Variants in SPAG16 observed in about 807,000 individuals in gnomAD.
The protein encoded by SPAG16 is sperm-associated antigen 16 protein.
In SPAG16, 86 loss-of-function variants were observed where a neutral mutation model predicts 80.4. The observed-to-expected ratio is 1.07, with a 90% CI of 0.90 to 1.28. The LOEUF is 1.28. Ranked by LOEUF, SPAG16 falls within the 50% of genes most tolerant of loss-of-function variation. SPAG16 has a pLI of 0.00. For missense variants in SPAG16, 870 were observed against 765.3 expected (o/e 1.14, Z -1.61); for synonymous variants, 294 against 265.9 (o/e 1.11, Z -1.03).
chr2:213,561,526 G>A (rs982477042), intron 10 of SPAG16, among the ~76,000 whole-genome samples: 1 of 151,876 alleles, frequency 6.6e-6, no homozygotes, highest in Non-Finnish European at 1.5e-5. Flanking sequence ...AATATCTCTT[G>A]TACCCCATAA....
At chr2:213,334,271 C>T (rs1271798324) in intron 5 of SPAG16, among the ~76,000 whole-genome samples, 2 of 152,084 alleles carry the variant, frequency 1.3e-5, no homozygotes, top group Non-Finnish European at 2.9e-5. Context: ...TCATCTCACC[C>T]CAGTTAAAAT....
intron 15 of SPAG16, among the ~76,000 whole-genome samples, chr2:214,186,740 T>A (rs923295697): frequency 6.6e-6 from 1 of 152,024 alleles, no homozygotes; most frequent in Admixed American, 6.6e-5. Context: ...ACATGCAATA[T>A]GCAAGTAGTT....
At chr2:213,737,249 CT>C (rs1340195935) in intron 10 of SPAG16, among the ~76,000 whole-genome samples, 1 of 152,134 alleles carries the variant, frequency 6.6e-6, no homozygotes, top group East Asian at 1.9e-4. Context: ...GAATCTACAC[CT>C]TCACACTATT....
chr2:213,976,891 A>C (rs2106400123), intron 12 of SPAG16, among the ~76,000 whole-genome samples: 1 of 152,148 alleles, frequency 6.6e-6, no homozygotes, highest in South Asian at 2.1e-4. Context: ...TGACACCTTC[A>C]TTTCAGCCTT....
intron 15 of SPAG16, among the ~76,000 whole-genome samples, chr2:214,195,031 T>A (rs2057783739): frequency 6.6e-6 from 1 of 152,034 alleles, no homozygotes; most frequent in Non-Finnish European, 1.5e-5. Context: ...AAAATAATTA[T>A]AATACATTTT....
intron 12 of SPAG16, among the ~76,000 whole-genome samples, chr2:213,988,822 G>T (rs1009981312): frequency 6.6e-6 from 1 of 152,020 alleles, no homozygotes; most frequent in Non-Finnish European, 1.5e-5. Flanking sequence ...GACATACAGG[G>T]TTTGTGGTTT....
At chr2:214,141,496 T>A (rs531832185) in intron 14 of SPAG16, among the ~76,000 whole-genome samples, 1 of 151,928 alleles carries the variant, frequency 6.6e-6, no homozygotes, top group Non-Finnish European at 1.5e-5. Context: ...AAATTACTGA[T>A]TTTTTAAATA....
chr2:213,454,276 A>G (rs2071872127), intron 9 of SPAG16, among the ~76,000 whole-genome samples: 1 of 152,172 alleles, frequency 6.6e-6, no homozygotes, highest in South Asian at 2.1e-4. Context: ...CAAACTATGG[A>G]TCATATCTTA....
At chr2:213,654,931 G>C (rs543652345) in intron 10 of SPAG16, among the ~76,000 whole-genome samples, 1 of 152,296 alleles carries the variant, frequency 6.6e-6, no homozygotes, top group Non-Finnish European at 1.5e-5. Flanking sequence ...GACCACTGTA[G>C]AGTAAAATAT....
intron 15 of SPAG16, among the ~76,000 whole-genome samples, chr2:214,256,986 T>G (rs1207355065): frequency 6.6e-6 from 1 of 151,964 alleles, no homozygotes; most frequent in Non-Finnish European, 1.5e-5. Context: ...GTGTGGAATG[T>G]ATAGATTAAT....
At chr2:214,205,210 C>T (rs532459222) in intron 15 of SPAG16, among the ~76,000 whole-genome samples, 57 of 149,100 alleles carry the variant, frequency 3.8e-4, no homozygotes, top group African/African-American at 1.0e-3. Context: ...GGCAACAGAG[C>T]GAGACTCTGC....
intron 10 of SPAG16, among the ~76,000 whole-genome samples, chr2:213,573,306 T>G (rs1006858574): frequency 6.6e-6 from 1 of 152,272 alleles, no homozygotes; most frequent in Non-Finnish European, 1.5e-5. Context: ...ATTTCAGTTT[T>G]TAATCCTTGA....
intron 11 of SPAG16, among the ~76,000 whole-genome samples, chr2:213,895,712 T>G (rs1377222066): frequency 6.6e-6 from 1 of 152,116 alleles, no homozygotes; most frequent in African/African-American, 2.4e-5. Context: ...TAAATGGTAC[T>G]GGGAAAACTA....
intron 11 of SPAG16, among the ~76,000 whole-genome samples, chr2:213,918,069 A>G (rs1575547575): frequency 6.6e-6 from 1 of 152,176 alleles, no homozygotes; most frequent in Admixed American, 6.5e-5. Context: ...GATGAATCAT[A>G]TTTATTGATT....
At chr2:213,920,477 G>A (rs1056611671) in intron 11 of SPAG16, among the ~76,000 whole-genome samples, 17 of 152,240 alleles carry the variant, frequency 1.1e-4, no homozygotes, top group Admixed American at 3.3e-4. Context: ...TGTGATATAT[G>A]TGGTGGCTCT....
At chr2:213,577,222 A>G (rs73988554) in intron 10 of SPAG16, among the ~76,000 whole-genome samples, 13,182 of 152,192 alleles carry the variant, frequency 0.087, 1,424 homozygotes, top group African/African-American at 0.25. Flanking sequence ...AAAAGAAAAT[A>G]TTCTGTGGCA....
chr2:213,911,962 A>G (rs935549881), intron 11 of SPAG16, among the ~76,000 whole-genome samples: 2 of 152,162 alleles, frequency 1.3e-5, no homozygotes, highest in Non-Finnish European at 2.9e-5. Flanking sequence ...ATAAGGATGT[A>G]CAATCAATAT....
intron 15 of SPAG16, among the ~76,000 whole-genome samples, chr2:214,387,124 G>A (rs890144109): frequency 7.2e-5 from 11 of 151,926 alleles, no homozygotes; most frequent in African/African-American, 2.7e-4. Context: ...TTAAGATTTA[G>A]CTCAAAGGTC....
chr2:213,929,654 G>C (rs1036994494), intron 11 of SPAG16, among the ~76,000 whole-genome samples: 5 of 152,006 alleles, frequency 3.3e-5, no homozygotes, highest in African/African-American at 1.2e-4. Flanking sequence ...TATATACAAC[G>C]CTGAACCAAA....
Sources: allele counts gnomAD v4.1 joint callset (sites outside exome capture counted in the v4.1 genomes callset), GRCh38; gene constraint gnomAD v4.1.1; transcripts MANE v1.5; gene names NCBI Gene and HGNC (gene_info 2026-07-23, HGNC 2026-07-21).